The following OR1L8 variants were observed in gnomAD, a reference collection of about 807,000 sequenced individuals.
OR1L8 encodes the protein olfactory receptor family 1 subfamily L member 8, also known as olfactory receptor 1L8.
For synonymous variants in OR1L8, 148 were observed against 147.0 expected (o/e 1.01, Z -0.05); for missense variants, 330 against 377.4 (o/e 0.87, Z 1.04).
chr9:122,562,903 A>G (rs10985700), downstream of OR1L8, among the ~76,000 whole-genome samples: 35,846 of 152,044 alleles, frequency 0.24, 4,695 homozygotes, highest in Middle Eastern at 0.34. Context: ...TAGCACTTAA[A>G]AAAATCCGTG....
chr9:122,578,835 C>G (rs1829700639), intron 1 of OR1L8, among the ~76,000 whole-genome samples: 1 of 152,066 alleles, frequency 6.6e-6, no homozygotes, highest in Non-Finnish European at 1.5e-5. Context: ...AAATAAAAGA[C>G]TACACACTGG....
the OR1L8 span, among the ~76,000 whole-genome samples, chr9:122,550,039 C>T: frequency 3.3e-5 from 5 of 149,314 alleles, no homozygotes; most frequent in East Asian, 6.1e-4. Flanking sequence ...TTTCTTTCTT[C>T]AGTGTTTTGT....
intron 3 of OR1L8, among the ~76,000 whole-genome samples, chr9:122,574,261 T>A (rs932267028): frequency 2.0e-5 from 3 of 152,202 alleles, no homozygotes; most frequent in African/African-American, 4.8e-5. Flanking sequence ...GGGATTTTGA[T>A]CGGTATTGCA....
At chr9:122,559,666 G>C in the OR1L8 span, among the ~76,000 whole-genome samples, 2 of 148,620 alleles carry the variant, frequency 1.3e-5, no homozygotes, top group African/African-American at 5.2e-5. Context: ...GTTCTAATTT[G>C]ATTTCACTGT....
intron 1 of OR1L8, among the ~76,000 whole-genome samples, chr9:122,579,387 C>G (rs1246222181): frequency 6.6e-6 from 1 of 151,838 alleles, no homozygotes; most frequent in East Asian, 1.9e-4. Flanking sequence ...AAGGTAATAC[C>G]TATCCCTTGT....
intron 4 of OR1L8, among the ~76,000 whole-genome samples, chr9:122,571,835 T>C (rs948087614): frequency 4.6e-5 from 7 of 152,118 alleles, no homozygotes; most frequent in African/African-American, 1.7e-4. Flanking sequence ...TTGTCCTCTA[T>C]CACCTGCTCA....
intron 1 of OR1L8, among the ~76,000 whole-genome samples, chr9:122,581,369 C>G (rs775925076): frequency 3.3e-5 from 5 of 149,398 alleles, no homozygotes; most frequent in Non-Finnish European, 7.4e-5. Context: ...CGTCTCAAAA[C>G]AAAACAAAAA....
chr9:122,547,949 C>T, the OR1L8 span, among the ~76,000 whole-genome samples: 1 of 152,146 alleles, frequency 6.6e-6, no homozygotes, highest in African/African-American at 2.4e-5. Context: ...TCCCCACCAA[C>T]ATCTATTATT....
rs895905664 is a variant in OR1L8 at position 122,572,865 on chromosome 9, A to C, written c.-298T>G. 1 of 152,208 alleles carries C rather than the reference A, an allele frequency of 6.6e-6. No homozygotes were observed. The highest frequency in any genetic ancestry group is 1.9e-4 in the East Asian group (1 of 5,196). 9.4% of individuals were successfully genotyped at this position (152,208 alleles called of 1,614,324 possible). On this transcript the variant is annotated 5_prime_UTR_variant, in exon 4 of 5. An upstream open reading frame in the 5' UTR loses its in-frame stop. Coordinates refer to ENST00000641027, the MANE Select transcript of OR1L8 (RefSeq NM_001004454.2). ...TCTGTGATTTCCAACTCTGCTTCTTAGCCAAAGCTCAGCTTCCTCATGTTT... is the reference window on the plus strand; with the variant it reads ...TCTGTGATTTCCAACTCTGCTTCTTCGCCAAAGCTCAGCTTCCTCATGTTT...
the OR1L8 span, among the ~76,000 whole-genome samples, chr9:122,556,109 T>C: frequency 9.2e-5 from 14 of 152,238 alleles, no homozygotes; most frequent in African/African-American, 3.4e-4. Flanking sequence ...CAGAATGTTA[T>C]GTAGTTGGAA....
At chr9:122,548,589 T>TA in the OR1L8 span, among the ~76,000 whole-genome samples, 5 of 151,176 alleles carry the variant, frequency 3.3e-5, no homozygotes, top group South Asian at 2.1e-4. Flanking sequence ...TTTAAAATTT[T>TA]TATATATATA....
In OR1L8 at chr9:122,580,675, C is replaced by T. The variant is rs1401591456; in HGVS notation, c.-599-2230G>A. 2.2e-4 allele frequency among the ~76,000 whole-genome samples: 34 copies of T among 152,150 alleles called. 1 individual carries two copies. The highest frequency in any genetic ancestry group is 2.2e-3 in the Admixed American group (34 of 15,280). The stretch of plus-strand genomic sequence containing the variant: ...AAGTCTACTGATAACATACTCCCTA[C>T]CCCATCCTCCATTAATAAAAGAATG... On this transcript the variant is annotated intron_variant, in intron 1 of 4. Transcript: ENST00000641027.
At position 122,568,096 on chromosome 9, in the gene OR1L8, A is replaced by G; in HGVS notation, c.382T>C (p.Cys128Arg). The change falls in exon 5 of 5, where the codon TGT (cysteine) becomes CGT (arginine). Residue 128 changes from cysteine (C) to arginine (R), a missense_variant. Coordinates refer to ENST00000641027, the MANE Select transcript of OR1L8 (RefSeq NM_001004454.2). ...GTGGTGACATAGTGGAAAGGGTCACAGACGGCCACATAGCGGTCAAAGGCC... is the reference window on the plus strand; with the variant it reads ...GTGGTGACATAGTGGAAAGGGTCACGGACGGCCACATAGCGGTCAAAGGCC... ...VMAFDRYVAV[C>R]DPFHYVTTMS... The G allele has an allele frequency of 6.2e-7, 1 of 1,614,090 alleles. No homozygotes were observed.
the OR1L8 span, among the ~76,000 whole-genome samples, chr9:122,560,925 C>T: frequency 6.6e-6 from 1 of 152,084 alleles, no homozygotes; most frequent in African/African-American, 2.4e-5. Flanking sequence ...GTGTGTTTTC[C>T]ATCTTGGTTC....
intron 3 of OR1L8, among the ~76,000 whole-genome samples, chr9:122,574,590 T>G (rs988932639): frequency 6.6e-6 from 1 of 151,396 alleles, no homozygotes; most frequent in Non-Finnish European, 1.5e-5. Context: ...AATTTTTTTG[T>G]CAATTCTTTT....
At chr9:122,546,771 G>A in the OR1L8 span, among the ~76,000 whole-genome samples, 1 of 152,032 alleles carries the variant, frequency 6.6e-6, no homozygotes, top group African/African-American at 2.4e-5. Flanking sequence ...GAAGAATAAC[G>A]CAAAGCAAAA....
chr9:122,558,847 CTTCTT>C, the OR1L8 span, among the ~76,000 whole-genome samples: 1 of 151,612 alleles, frequency 6.6e-6, no homozygotes, highest in African/African-American at 2.4e-5. Context: ...TTAATTTTCT[CTTCTT>C]GTCTTTGTTT....
At chr9:122,552,747 TG>T in the OR1L8 span, among the ~76,000 whole-genome samples, 1 of 127,620 alleles carries the variant, frequency 7.8e-6, no homozygotes, top group African/African-American at 3.0e-5. Context: ...AAAGAGGGCT[TG>T]AGTGTGTGTG....
the OR1L8 span, among the ~76,000 whole-genome samples, chr9:122,546,577 G>A: frequency 2.0e-5 from 3 of 152,032 alleles, no homozygotes; most frequent in South Asian, 6.2e-4. Context: ...AAATGCTACG[G>A]ATACAACTAG....
Sources: allele counts gnomAD v4.1 joint callset (sites outside exome capture counted in the v4.1 genomes callset), GRCh38; gene constraint gnomAD v4.1.1; transcripts MANE v1.5; gene names NCBI Gene and HGNC (gene_info 2026-07-23, HGNC 2026-07-21).